Variants in SGSM3 observed in about 807,000 individuals in gnomAD.
The protein encoded by SGSM3 is small G protein signaling modulator 3.
Under a neutral mutation model 100.5 loss-of-function variants are expected in SGSM3, and 96 were observed. That is an observed-to-expected ratio of 0.96 (90% CI 0.81 to 1.13). The LOEUF (loss-of-function observed/expected upper bound fraction) is 1.13. SGSM3 is among the 50% of genes most tolerant of loss of function. The pLI is 0.00. For synonymous variants in SGSM3, 483 were observed against 422.8 expected, an observed-to-expected ratio of 1.14 and a Z score of -1.75; for missense variants, 1,001 against 1,015.8, an observed-to-expected ratio of 0.99 and a Z score of 0.20.
intron 1 of SGSM3, among the ~76,000 whole-genome samples, chr22:40,381,234 A>G (rs1323623363): frequency 1.3e-5 from 2 of 151,494 alleles, no homozygotes; most frequent in Non-Finnish European, 2.9e-5. Context: ...TGCAACCTCC[A>G]CCTCCAGGGC....
intron 1 of SGSM3, among the ~76,000 whole-genome samples, chr22:40,389,435 TAAA>T (rs1312001356): frequency 6.8e-6 from 1 of 147,160 alleles, no homozygotes; most frequent in Admixed American, 6.9e-5. Flanking sequence ...CCGTCTCTAC[TAAA>T]AATACAAAAA....
At chr22:40,374,528 C>A (rs2046216582) in intron 1 of SGSM3, among the ~76,000 whole-genome samples, 1 of 152,186 alleles carries the variant, frequency 6.6e-6, no homozygotes, top group African/African-American at 2.4e-5. Flanking sequence ...AAAGTAGGGG[C>A]TTTGTGTTGT....
chr22:40,409,119 CAG>C (rs2052169156), intron 19 of SGSM3, 101 bp downstream of exon 19: 1 of 1,552,446 alleles, frequency 6.4e-7, no homozygotes. Context: ...CAAAGAACCT[CAG>C]GGGCTCAGGT....
chr22:40,407,193 C>T lies in SGSM3; in HGVS notation c.1241-8C>T. 1.9e-6 allele frequency: 3 copies of T among 1,613,444 alleles called. No homozygotes were observed. Among genetic ancestry groups the T allele is most frequent in the Non-Finnish European group, 2.5e-6 (3 of 1,179,864 alleles). ...GCTGTGGTCACCATGGTTCTCTGGGCCTCCTAGGGGAGGATGACCTGGAGG... is the reference window on the plus strand; with the variant it reads ...GCTGTGGTCACCATGGTTCTCTGGGTCTCCTAGGGGAGGATGACCTGGAGG... On this transcript the variant is annotated splice_region_variant and splice_polypyrimidine_tract_variant and intron_variant, in intron 11 of 21. Transcript: ENST00000248929. This position sits in a 1 kb window ranked among gnomAD's most constrained non-coding sequence, Gnocchi z 4.7.
intron 1 of SGSM3, among the ~76,000 whole-genome samples, chr22:40,396,053 AG>A (rs2050004413): frequency 6.6e-6 from 1 of 152,196 alleles, no homozygotes; most frequent in Admixed American, 6.5e-5. Flanking sequence ...ACCTTGAAAA[AG>A]GTATTCATAT....
chr22:40,390,458 A>G (rs908880165), intron 1 of SGSM3: 6 of 152,184 alleles, frequency 3.9e-5, no homozygotes, highest in Non-Finnish European at 1.5e-5. Flanking sequence ...GTCCTGTATC[A>G]GTGGGTATTG....
At chr22:40,377,845 CAA>C (rs35941683) in intron 1 of SGSM3, among the ~76,000 whole-genome samples, 712 of 61,520 alleles carry the variant, frequency 0.012, 3 homozygotes, top group African/African-American at 0.036. Context: ...GACCCTGTCT[CAA>C]AAAAAAAAAA....
At chr22:40,384,121 G>A (rs545160614) in intron 1 of SGSM3, among the ~76,000 whole-genome samples, 10 of 152,180 alleles carry the variant, frequency 6.6e-5, no homozygotes, top group South Asian at 2.1e-4. Flanking sequence ...GCATGCGCCC[G>A]TAGTCCTAGC....
intron 1 of SGSM3, chr22:40,378,100 C>G (rs1285160894): frequency 6.6e-6 from 1 of 152,128 alleles, no homozygotes; most frequent in Non-Finnish European, 1.5e-5. Context: ...CAAGCCAAGA[C>G]AAGATGGTCA....
chr22:40,409,471 C>T lies in SGSM3; in HGVS notation c.2118C>T (p.Leu706=), dbSNP rs769860280. ...WVQIKCELRV[L]CCFAFSLSQD... is the part of the protein sequence containing the mutation. ...ACCCCTTCCTCACCTCTAGAGTCCT[C>T]TGCTGCTTTGCCTTCAGCCTCTCCC... The change falls in exon 21 of 22, where the codon CTC becomes CTT. Residue 706 remains leucine, a synonymous_variant. Transcript: ENST00000248929. 3 of 1,581,448 alleles carry T rather than the reference C, an allele frequency of 1.9e-6. No homozygotes were observed. The East Asian group carries it at 6.8e-5, about 36-fold the overall frequency.
Position 40,409,985 on chromosome 22 carries a change from C to T in SGSM3, c.*226C>T. ...GCTCTAGGCCAAACCACAGTTTGTA[C>T]CAAAAACCTTGTGAGGAGGTGGGGG... On this transcript the variant is annotated 3_prime_UTR_variant, in exon 22 of 22. Coordinates refer to ENST00000248929, the MANE Select transcript of SGSM3 (RefSeq NM_015705.6). 3.0e-6 allele frequency: 4 copies of T among 1,339,472 alleles called. No individual in the cohort carries two copies. The highest frequency in any genetic ancestry group is 3.8e-6 in the Non-Finnish European group (4 of 1,051,770). The allele number at this position is 1,339,472 out of a possible 1,614,324, so 83.0% of individuals were successfully genotyped here.
Position 40,404,474 on chromosome 22 carries a change from C to T in SGSM3, c.366+19C>T. ...GCCACAGGTAAGGTGGCCACAGGGACCCACAGGGTGTTGAGAGGGTCCTGG... is the reference window on the plus strand; with the variant it reads ...GCCACAGGTAAGGTGGCCACAGGGATCCACAGGGTGTTGAGAGGGTCCTGG... On this transcript the variant is annotated intron_variant, in intron 5 of 21. Coordinates refer to ENST00000248929, the MANE Select transcript of SGSM3 (RefSeq NM_015705.6). 6.2e-7 allele frequency: 1 copy of T among 1,608,540 alleles called. No homozygotes were observed. Among genetic ancestry groups the T allele is most frequent in the Non-Finnish European group, 8.5e-7 (1 of 1,176,726 alleles).
chr22:40,402,185 G>T lies in SGSM3; in HGVS notation c.137G>T (p.Gly46Val). The T allele has an allele frequency of 6.2e-7, 1 of 1,613,836 alleles. No homozygotes were observed. Among genetic ancestry groups the T allele is most frequent in the Non-Finnish European group, 8.5e-7 (1 of 1,179,714 alleles). ...EQPEFYYDEFGFRVYKEEGDE... is the reference protein window; with the variant it reads ...EQPEFYYDEFVFRVYKEEGDE... ...CCAGAGTTCTACTACGATGAGTTTG[G>T]TTTCCGTGTGTACAAGGAAGGTAAA... The change falls in exon 4 of 22, where the codon GGT (glycine) becomes GTT (valine). Residue 46 changes from glycine to valine, a missense_variant. Physicochemically the swap from Gly to Val is moderately radical, Grantham distance 109. Coordinates refer to ENST00000248929, the MANE Select transcript of SGSM3 (RefSeq NM_015705.6).
chr22:40,407,382 C>G lies in SGSM3; in HGVS notation c.1369-31C>G. ...CAAACACGGCCCTAACTCCTCCAAC[C>G]CCCTTGGTGGGCCTGTGTTCACTGT... On this transcript the variant is annotated intron_variant, in intron 12 of 21. Coordinates refer to ENST00000248929, the MANE Select transcript of SGSM3 (RefSeq NM_015705.6). The surrounding 1 kb of genome is among the most constrained non-coding windows in gnomAD (Gnocchi z 4.7). 1.2e-6 allele frequency: 2 copies of G among 1,611,732 alleles called. No homozygotes were observed. Among genetic ancestry groups the G allele is most frequent in the Non-Finnish European group, 1.7e-6 (2 of 1,178,640 alleles).
chr22:40,398,133 A>T (rs969768418), intron 1 of SGSM3, among the ~76,000 whole-genome samples: 5 of 151,770 alleles, frequency 3.3e-5, no homozygotes, highest in African/African-American at 4.8e-5. Flanking sequence ...ACGCCCAGCT[A>T]ATTTTTGTAT....
chr22:40,396,756 T>A (rs1301797218), intron 1 of SGSM3, among the ~76,000 whole-genome samples: 1 of 152,076 alleles, frequency 6.6e-6, no homozygotes, highest in East Asian at 1.9e-4. Context: ...CCAGAGTGAA[T>A]GGGGGGCCAT....
In SGSM3 at chr22:40,409,544, G is replaced by A. The variant is rs371531716; in HGVS notation, c.2172+19G>A. The A allele has an allele frequency of 1.8e-4, 288 of 1,606,642 alleles. No homozygotes were observed. Among genetic ancestry groups the A allele is most frequent in the Non-Finnish European group, 2.0e-4 (232 of 1,177,344 alleles). ...GAGAGAGGTGGGTGGTGTGGGCCTC[G>A]TAGGGCCTGCACTGATGGAGCTGCC... On this transcript the variant is annotated intron_variant, in intron 21 of 21. Coordinates refer to ENST00000248929, the MANE Select transcript of SGSM3 (RefSeq NM_015705.6).
intron 1 of SGSM3, among the ~76,000 whole-genome samples, chr22:40,372,327 C>T (rs962584946): frequency 6.6e-6 from 1 of 151,654 alleles, no homozygotes; most frequent in Admixed American, 6.6e-5. Flanking sequence ...GGGGTTTCAC[C>T]GTGTTAGCCA....
chr22:40,404,300 G>A lies in SGSM3; in HGVS notation c.211G>A (p.Ala71Thr), dbSNP rs777546956. The change falls in exon 5 of 22, where the codon GCT becomes ACT. Residue 71 changes from alanine to threonine, a missense_variant. By Grantham distance (58) the Ala-to-Thr change is moderately conservative. Coordinates refer to ENST00000248929, the MANE Select transcript of SGSM3 (RefSeq NM_015705.6). ...GGCGAACTCCCCTCTGATGGAGGATGCTCCACAGAGGCTGCGGTGGCAGGC... is the reference window on the plus strand; with the variant it reads ...GGCGAACTCCCCTCTGATGGAGGATACTCCACAGAGGCTGCGGTGGCAGGC... ...LLANSPLMEDAPQRLRWQAHL... is the reference protein window; with the variant it reads ...LLANSPLMEDTPQRLRWQAHL... 2.4e-5 allele frequency: 37 copies of A among 1,555,790 alleles called. No homozygotes were observed. Among genetic ancestry groups the A allele is most frequent in the Non-Finnish European group, 3.1e-5 (36 of 1,150,170 alleles).
Sources: allele counts gnomAD v4.1 joint callset (sites outside exome capture counted in the v4.1 genomes callset), GRCh38; gene constraint gnomAD v4.1.1; non-coding constraint Gnocchi (gnomAD v3.1); transcripts MANE v1.5; gene names NCBI Gene and HGNC (gene_info 2026-07-23, HGNC 2026-07-21).